ANKFY1: variants seen among roughly 807,000 people sequenced by gnomAD.
ANKFY1 encodes the protein ankyrin repeat and FYVE domain-containing protein 1.
Under a neutral mutation model 128.3 loss-of-function variants are expected in ANKFY1, and 47 were observed. The ratio of observed to expected loss-of-function variants is 0.37; its 90% CI spans 0.29 to 0.47. The LOEUF (loss-of-function observed/expected upper bound fraction) is 0.47. Among genes scored for constraint, ANKFY1 ranks in the 20% least tolerant of loss-of-function variants. The probability of loss-of-function intolerance (pLI) is 1.00; values close to 1 mark genes in which losing one functional copy is unlikely to be tolerated. For synonymous variants in ANKFY1, 553 were observed against 601.6 expected (o/e 0.92, Z 1.18); for missense variants, 1,222 against 1,510.6 (o/e 0.81, Z 3.17).
At chr17:4,173,529 G>A in intron 20 of ANKFY1, 85 bp from the exon 21 acceptor site, 2 of 1,300,958 alleles carry the variant, frequency 1.5e-6, no homozygotes, top group Non-Finnish European at 1.1e-6. Context: ...AGACCTCTCT[G>A]TAAATGGGAC....
rs147918609 is a variant in ANKFY1 at position 4,262,764 on chromosome 17, C to A, written c.10+1168G>T. ...CCTATCTCAAAACACACACACACAC[C>A]CCCCAAAACCAACTGGGTGTCAGTC... On this transcript the variant is annotated intron_variant, in intron 1 of 24. Transcript: ENST00000341657. Among the ~76,000 whole-genome samples, 1,035 of 152,212 alleles carry A rather than the reference C, an allele frequency of 6.8e-3. 8 individuals carry two copies. Among genetic ancestry groups the A allele is most frequent in the African/African-American group, 0.02 (851 of 41,524 alleles).
intron 4 of ANKFY1, among the ~76,000 whole-genome samples, 186 bp from the exon 5 acceptor site, chr17:4,210,133 T>C (rs2060099351): frequency 6.6e-6 from 1 of 152,218 alleles, no homozygotes; most frequent in African/African-American, 2.4e-5. Context: ...AGAATTTCAT[T>C]ATAATATTTC....
Position 4,177,237 on chromosome 17 carries a change from C to G in ANKFY1, c.2664G>C (p.Leu888=). The part of the protein sequence containing the change: ...AVQNSDIESV[L]FLISVHANVN... ...CATTAGCGTGGACACTGATCAGGAA[C>G]AGCACACTTTCAATATCAGAGTTCT... The change falls in exon 19 of 25, where the codon CTG becomes CTC. Residue 888 remains leucine (L), a synonymous_variant. Transcript: ENST00000341657. The G allele has an allele frequency of 6.2e-7, 1 of 1,606,638 alleles. No homozygotes were observed. Among genetic ancestry groups the G allele is most frequent in the Non-Finnish European group, 8.5e-7 (1 of 1,176,448 alleles).
intron 4 of ANKFY1, among the ~76,000 whole-genome samples, chr17:4,213,808 C>A (rs565287479): frequency 6.6e-6 from 1 of 152,154 alleles, no homozygotes; most frequent in South Asian, 2.1e-4. Context: ...CTCCTGACTT[C>A]GGGATCCACC....
At chr17:4,193,598 T>TAGAGTA (rs1235167342) in intron 10 of ANKFY1, among the ~76,000 whole-genome samples, 4 of 151,686 alleles carry the variant, frequency 2.6e-5, no homozygotes, top group Non-Finnish European at 5.9e-5. Flanking sequence ...GGCTAATTTT[T>TAGAGTA]GTATTTCAGT....
chr17:4,200,001 T>C (rs550472459), intron 7 of ANKFY1, among the ~76,000 whole-genome samples: 1 of 152,102 alleles, frequency 6.6e-6, no homozygotes, highest in Non-Finnish European at 1.5e-5. Context: ...GTGAAAGCAA[T>C]TGCTCTCAGT....
Position 4,176,968 on chromosome 17 carries a change from G to A in ANKFY1, c.2775+158C>T, listed in dbSNP as rs530440470. ...CCCAGTGGGGCGCTCAGGACGTGCAGCCCTTGACACCAGTTTCCTGAGTGC... is the reference window on the plus strand; with the variant it reads ...CCCAGTGGGGCGCTCAGGACGTGCAACCCTTGACACCAGTTTCCTGAGTGC... On this transcript the variant is annotated intron_variant, in intron 19 of 24. Transcript: ENST00000341657. Among the ~76,000 whole-genome samples, 42 of 152,312 alleles carry A rather than the reference G, an allele frequency of 2.8e-4. No homozygotes were observed. In the South Asian group the frequency reaches 8.3e-3, roughly 30 times the overall value.
chr17:4,170,928 G>GCGGAGGA, intron 22 of ANKFY1, 67 bp from the exon 23 acceptor site: 1 of 1,607,016 alleles, frequency 6.2e-7, no homozygotes, highest in Non-Finnish European at 8.5e-7. Context: ...CAGACGGAGG[G>GCGGAGGA]CGGAGGACAG....
chr17:4,242,088 CAAA>C (rs34447049), intron 2 of ANKFY1, among the ~76,000 whole-genome samples, 165 bp downstream of exon 2: 34 of 132,326 alleles, frequency 2.6e-4, no homozygotes, highest in East Asian at 1.6e-3. Context: ...GACTCCAACT[CAAA>C]AAAAAAAAAA....
intron 1 of ANKFY1, among the ~76,000 whole-genome samples, chr17:4,259,873 C>T (rs781159767): frequency 2.0e-5 from 3 of 152,186 alleles, no homozygotes; most frequent in Non-Finnish European, 4.4e-5. Flanking sequence ...GTGAGGGATG[C>T]TCTCTAATGA....
At chr17:4,193,067 A>G (rs56050239) in intron 10 of ANKFY1, among the ~76,000 whole-genome samples, 81,118 of 151,980 alleles carry the variant, frequency 0.53, 22,757 homozygotes, top group East Asian at 0.75. Flanking sequence ...TATACCTCTC[A>G]GAAACTGACA....
At chr17:4,234,183 A>G (rs2060563412) in intron 3 of ANKFY1, among the ~76,000 whole-genome samples, 1 of 152,206 alleles carries the variant, frequency 6.6e-6, no homozygotes, top group Non-Finnish European at 1.5e-5. Context: ...AGTAGGCTAT[A>G]CCATGTAGAT....
In ANKFY1 at chr17:4,164,870, G is replaced by C. The variant is rs2059184391; in HGVS notation, c.*2909C>G. The C allele has an allele frequency of 6.6e-6, 1 of 152,670 alleles. No homozygotes were observed. Among genetic ancestry groups the C allele is most frequent in the African/African-American group, 2.4e-5 (1 of 41,448 alleles). 9.5% of individuals were successfully genotyped at this position (152,670 alleles called of 1,614,324 possible). A position where few individuals can be genotyped will look rare whatever the true frequency, so the allele number is the denominator to read the frequency against. ...GTGGTCAGAAATGACTCGGGGCTCTGAGGTAGAGGACTAAAGGTCACGTAG... is the reference window on the plus strand; with the variant it reads ...GTGGTCAGAAATGACTCGGGGCTCTCAGGTAGAGGACTAAAGGTCACGTAG... On this transcript the variant is annotated 3_prime_UTR_variant, in exon 25 of 25. Transcript: ENST00000341657.
chr17:4,222,679 A>G (rs2143105510), intron 3 of ANKFY1: 1 of 860,236 alleles, frequency 1.2e-6, no homozygotes. Flanking sequence ...TGGCCCTGAC[A>G]CGCAGCTCCA....
At chr17:4,216,941 C>T (rs1207682074) in intron 4 of ANKFY1, 42 bp downstream of exon 4, 1 of 1,612,760 alleles carries the variant, frequency 6.2e-7, no homozygotes, top group Non-Finnish European at 8.5e-7. Flanking sequence ...AAAGCTCAGC[C>T]ACCACCATCT....
intron 1 of ANKFY1, among the ~76,000 whole-genome samples, chr17:4,244,372 A>G (rs1171772859): frequency 6.6e-6 from 1 of 152,228 alleles, no homozygotes; most frequent in African/African-American, 2.4e-5. Flanking sequence ...AAGGTCAGGA[A>G]AGGCTTCCCT....
Position 4,263,471 on chromosome 17 carries a change from C to T in ANKFY1, c.10+461G>A. 8.1e-6 allele frequency: 7 copies of T among 865,660 alleles called. 2 individuals carry two copies. The highest frequency in any genetic ancestry group is 1.2e-5 in the Non-Finnish European group (7 of 582,856). 53.6% of individuals were successfully genotyped at this position (865,660 alleles called of 1,614,324 possible). On this transcript the variant is annotated intron_variant, in intron 1 of 24. Coordinates refer to ENST00000341657, the MANE Select transcript of ANKFY1 (RefSeq NM_001330063.2). Reference sequence around the variant, plus strand: ...AGCTCGCTGCTGCCTCGCCCCCACCCCACCCCACCTCACCCCAACCCAGCC... The same window carrying T: ...AGCTCGCTGCTGCCTCGCCCCCACCTCACCCCACCTCACCCCAACCCAGCC...
chr17:4,216,972 C>T lies in ANKFY1; in HGVS notation c.458+11G>A, dbSNP rs1227770120. On this transcript the variant is annotated intron_variant, in intron 4 of 24. Transcript: ENST00000341657. Reference sequence around the variant, plus strand: ...CATCTGAGGTGCTTGAATATATCTGCTGTGACTTGCCTCTCCCTGAGGAGC... The same window carrying T: ...CATCTGAGGTGCTTGAATATATCTGTTGTGACTTGCCTCTCCCTGAGGAGC... 1.1e-5 allele frequency: 17 copies of T among 1,613,892 alleles called. No individual in the cohort carries two copies. The South Asian group carries it at 1.8e-4, about 17-fold the overall frequency.
intron 1 of ANKFY1, among the ~76,000 whole-genome samples, chr17:4,261,612 C>T (rs73328720): frequency 7.2e-5 from 11 of 152,226 alleles, no homozygotes; most frequent in Admixed American, 7.2e-4. Context: ...ACCCCACTGG[C>T]GAGATGTCTC....
Sources: gnomAD v4.1 joint callset for allele counts (sites outside exome capture counted in the v4.1 genomes callset) on GRCh38, gnomAD v4.1.1 for gene constraint, MANE v1.5 for transcripts, NCBI Gene and HGNC (gene_info 2026-07-23, HGNC 2026-07-21) for gene names.